The following HEXD variants were observed in gnomAD, a reference collection of about 807,000 sequenced individuals.
HEXD encodes the protein hexosaminidase D, also known as N-acetyl-beta-galactosaminidase.
Under a neutral mutation model 54.2 loss-of-function variants are expected in HEXD, and 47 were observed. The ratio of observed to expected loss-of-function variants is 0.87; its 90% CI spans 0.69 to 1.11. The LOEUF is 1.11. Ranked by LOEUF, HEXD falls within the 50% of genes least tolerant of loss-of-function variation. HEXD has a pLI of 0.00. For missense variants in HEXD, 576 were observed against 649.2 expected (o/e 0.89, Z 1.23); for synonymous variants, 293 against 287.6 (o/e 1.02, Z -0.19).
chr17:82,422,916 G>A (rs1185244958), intron 2 of HEXD, among the ~76,000 whole-genome samples: 2 of 152,060 alleles, frequency 1.3e-5, no homozygotes, highest in Admixed American at 1.3e-4. Context: ...AATTAGCCAG[G>A]CGTGGTGTCA....
At chr17:82,433,391 C>T (rs1012043528) in intron 4 of HEXD, among the ~76,000 whole-genome samples, 1 of 151,702 alleles carries the variant, frequency 6.6e-6, no homozygotes, top group African/African-American at 2.4e-5. Flanking sequence ...TGCAGTGAGC[C>T]GAGACTGTGC....
intron 1 of HEXD, among the ~76,000 whole-genome samples, 189 bp downstream of exon 1, chr17:82,418,929 G>A (rs1180267140): frequency 6.6e-6 from 1 of 152,208 alleles, no homozygotes. Context: ...GGTGTAAATT[G>A]TGTGTAACTG....
chr17:82,428,171 T>TA (rs1365142070), intron 3 of HEXD: 2 of 162,608 alleles, frequency 1.2e-5, no homozygotes, highest in African/African-American at 4.8e-5. Flanking sequence ...TTTTAGTAGA[T>TA]ACGGGGTTTC....
At chr17:82,431,273 G>A (rs2053568758) in intron 4 of HEXD, among the ~76,000 whole-genome samples, 1 of 151,808 alleles carries the variant, frequency 6.6e-6, no homozygotes, top group Non-Finnish European at 1.5e-5. Context: ...CGGAGCGCTG[G>A]GATTATAGGC....
intron 2 of HEXD, among the ~76,000 whole-genome samples, chr17:82,423,770 G>A (rs1185725725): frequency 1.4e-5 from 2 of 147,464 alleles, no homozygotes; most frequent in East Asian, 2.0e-4. Flanking sequence ...CCAAGATCAC[G>A]CCACTCCACT....
chr17:82,439,415 C>T, intron 8 of HEXD: 1 of 985,138 alleles, frequency 1.0e-6, no homozygotes, highest in Non-Finnish European at 1.2e-6. Flanking sequence ...ACGCTCTTCA[C>T]TTGTCCGGTT....
At position 82,419,811 on chromosome 17, in the gene HEXD, C is replaced by T. The variant is rs190114977; in HGVS notation, c.12C>T (p.Ser4=). 4 of 1,608,806 alleles carry T rather than the reference C, an allele frequency of 2.5e-6. No homozygotes were observed. The East Asian group carries it at 6.7e-5, about 27-fold the overall frequency. The stretch of plus-strand genomic sequence containing the variant: ...CAGGAAATATTGAAATGTCAGGTTC[C>T]ACTCCATTTCAGATGAGATTAGTTC... MSG[S]TPFQMRLVHL... is the part of the protein sequence containing the mutation. The change falls in exon 2 of 13, where the codon TCC becomes TCT. Residue 4 remains serine, a synonymous_variant. Coordinates refer to ENST00000327949, the MANE Select transcript of HEXD (RefSeq NM_001330542.2).
Position 82,434,505 on chromosome 17 carries a change from G to C in HEXD, c.447+683G>C, listed in dbSNP as rs1599743713. ...AGTTTCCTTTTTTTGAAGGAAACCT[G>C]AGTATGTAAAATACACTTAAGCTTT... On this transcript the variant is annotated intron_variant, in intron 5 of 12. Transcript: ENST00000327949. The surrounding 1 kb of genome is among the most constrained non-coding windows in gnomAD (Gnocchi z 4.5). Among the ~76,000 whole-genome samples, 1 of 152,324 alleles carries C rather than the reference G, an allele frequency of 6.6e-6. No individual in the cohort carries two copies. The highest frequency in any genetic ancestry group is 1.9e-4 in the East Asian group (1 of 5,182).
intron 8 of HEXD, 124 bp downstream of exon 8, chr17:82,437,487 A>C: frequency 1.2e-6 from 1 of 846,766 alleles, no homozygotes; most frequent in Non-Finnish European, 1.7e-6. Context: ...CCGGGCCTCC[A>C]AGAGGAGCTG....
intron 8 of HEXD, chr17:82,439,296 C>T (rs117569184): frequency 0.029 from 11,147 of 390,210 alleles, 168 homozygotes; most frequent in Admixed American, 0.048. Flanking sequence ...AGCAGGAGCC[C>T]TTTTCTCAGA....
intron 5 of HEXD, 146 bp downstream of exon 5, chr17:82,433,968 G>A (rs369208943): frequency 1.3e-6 from 1 of 758,612 alleles, no homozygotes; most frequent in Non-Finnish European, 2.0e-6. Flanking sequence ...TTCTCCGAGT[G>A]GATGGGCGGC....
At chr17:82,438,509 G>C (rs750993524) in intron 8 of HEXD, among the ~76,000 whole-genome samples, 1 of 152,210 alleles carries the variant, frequency 6.6e-6, no homozygotes, top group East Asian at 1.9e-4. Flanking sequence ...TCACCCTGGC[G>C]CTCCCAGGCC....
chr17:82,424,147 A>G (rs2053324816), intron 2 of HEXD, among the ~76,000 whole-genome samples: 1 of 152,208 alleles, frequency 6.6e-6, no homozygotes, highest in Non-Finnish European at 1.5e-5. Flanking sequence ...CTGAGCCACC[A>G]GCGCGTTGAG....
At chr17:82,429,275 A>T (rs934964878) in intron 4 of HEXD, among the ~76,000 whole-genome samples, 22 of 151,782 alleles carry the variant, frequency 1.4e-4, no homozygotes, top group African/African-American at 5.1e-4. Context: ...ATATATATAT[A>T]CACATATTCT....
intron 11 of HEXD, among the ~76,000 whole-genome samples, 174 bp from the exon 12 acceptor site, chr17:82,441,626 G>A (rs2053975720): frequency 6.6e-6 from 1 of 152,042 alleles, no homozygotes; most frequent in Non-Finnish European, 1.5e-5. Context: ...AGGTTCACAA[G>A]TCCCCCCACT....
Position 82,441,782 on chromosome 17 carries a change from T to C in HEXD, c.1164-18T>C. ...GCCTTGGTAGCCCGCGGCACACCCCTATGTGGATTTGCCCCAGGTATGTCA... is the reference window on the plus strand; with the variant it reads ...GCCTTGGTAGCCCGCGGCACACCCCCATGTGGATTTGCCCCAGGTATGTCA... On this transcript the variant is annotated intron_variant, in intron 11 of 12. Coordinates refer to ENST00000327949, the MANE Select transcript of HEXD (RefSeq NM_001330542.2). The C allele has an allele frequency of 6.2e-7, 1 of 1,609,092 alleles. No individual in the cohort carries two copies. Among genetic ancestry groups the C allele is most frequent in the Non-Finnish European group, 8.5e-7 (1 of 1,176,292 alleles).
intron 11 of HEXD, 70 bp from the exon 12 acceptor site, chr17:82,441,730 G>GT (rs1229218642): frequency 6.1e-6 from 7 of 1,139,776 alleles, no homozygotes; most frequent in Non-Finnish European, 9.3e-6. Flanking sequence ...AACATTTTCT[G>GT]TATTACTGCA....
At chr17:82,422,843 G>A (rs1014859630) in intron 2 of HEXD, among the ~76,000 whole-genome samples, 1 of 152,106 alleles carries the variant, frequency 6.6e-6, no homozygotes, top group African/African-American at 2.4e-5. Flanking sequence ...GATCACCTGA[G>A]GTCAGGAGTT....
chr17:82,440,839 A>G (rs1468352905), intron 9 of HEXD, among the ~76,000 whole-genome samples, 158 bp from the exon 10 acceptor site: 1 of 152,174 alleles, frequency 6.6e-6, no homozygotes, highest in East Asian at 1.9e-4. Context: ...ATTTGCCCCC[A>G]GGTCCCCTTG....
Sources: allele counts gnomAD v4.1 joint callset (sites outside exome capture counted in the v4.1 genomes callset), GRCh38; gene constraint gnomAD v4.1.1; non-coding constraint Gnocchi (gnomAD v3.1); transcripts MANE v1.5; gene names NCBI Gene and HGNC (gene_info 2026-07-23, HGNC 2026-07-21).